LRRK1: variants seen among roughly 807,000 people sequenced by gnomAD.
LRRK1 encodes the protein leucine-rich repeat serine/threonine-protein kinase 1.
A neutral mutation model predicts 209.1 loss-of-function variants in LRRK1; 113 were observed. That is an observed-to-expected ratio of 0.54 (90% confidence interval 0.46 to 0.63). LRRK1 has a LOEUF of 0.63. LRRK1 is among the 30% of genes least tolerant of loss of function. The pLI is 0.00. For missense variants in LRRK1, 2,284 were observed against 2,632.2 expected (o/e 0.87, Z 2.89); for synonymous variants, 1,144 against 1,099.7 (o/e 1.04, Z -0.80).
At chr15:101,005,013 G>A (rs1248072659) in intron 6 of LRRK1, among the ~76,000 whole-genome samples, 3 of 152,182 alleles carry the variant, frequency 2.0e-5, no homozygotes, top group African/African-American at 7.2e-5. Flanking sequence ...TCTTGCATTT[G>A]GCTGCCATTT....
At chr15:100,933,059 C>T (rs191245670) in intron 2 of LRRK1, among the ~76,000 whole-genome samples, 1 of 152,302 alleles carries the variant, frequency 6.6e-6, no homozygotes, top group Non-Finnish European at 1.5e-5. Flanking sequence ...AATTGGAATG[C>T]ATCAGCAAGA....
chr15:100,983,456 G>C (rs11632621), intron 3 of LRRK1, 72 bp from the exon 4 acceptor site: 1,315,035 of 1,400,418 alleles, frequency 0.94, 617,676 homozygotes, highest in East Asian at 1. Context: ...CCTGGTGAAG[G>C]GTTTAACGTC....
intron 6 of LRRK1, among the ~76,000 whole-genome samples, chr15:100,995,468 A>G (rs1202063975): frequency 6.6e-6 from 1 of 152,184 alleles, no homozygotes; most frequent in Non-Finnish European, 1.5e-5. Flanking sequence ...CACACTCTCT[A>G]AGAAACAAAA....
chr15:100,930,571 G>T (rs1264180793), intron 2 of LRRK1, among the ~76,000 whole-genome samples: 3 of 152,198 alleles, frequency 2.0e-5, no homozygotes, highest in Non-Finnish European at 2.9e-5. Flanking sequence ...CCTTTATGTG[G>T]GGTGTGCAGG....
Position 101,014,407 on chromosome 15 carries a change from T to G in LRRK1, c.1511T>G (p.Leu504Arg), listed in dbSNP as rs1394823786. The G allele has an allele frequency of 6.2e-7, 1 of 1,613,762 alleles. No homozygotes were observed. ...WTCRQLKTLD[L>R]SRNQLGKNED... Reference sequence around the variant, plus strand: ...TGCAGGCAGCTCAAAACCCTGGATCTCTCCAGAAACCAACTTGGCAAGTAA... The same window carrying G: ...TGCAGGCAGCTCAAAACCCTGGATCGCTCCAGAAACCAACTTGGCAAGTAA... Residue 504 changes from leucine to arginine, a missense_variant, in exon 11 of 34, where the codon CTC becomes CGC. This residue lies in a region of LRRK1 where 494 missense variants were observed against 522.1 expected (regional missense o/e 0.95). Coordinates refer to ENST00000388948, the MANE Select transcript of LRRK1 (RefSeq NM_024652.6).
At chr15:101,030,314 G>A (rs1019291767) in intron 20 of LRRK1, among the ~76,000 whole-genome samples, 1 of 152,032 alleles carries the variant, frequency 6.6e-6, no homozygotes, top group African/African-American at 2.4e-5. Flanking sequence ...CCAGCCCGCA[G>A]TGTCCTCAGC....
At chr15:101,006,372 T>TAAAAA (rs56053663) in intron 6 of LRRK1, among the ~76,000 whole-genome samples, 14 of 114,300 alleles carry the variant, frequency 1.2e-4, no homozygotes, top group South Asian at 5.5e-4. Context: ...GACAATGTGA[T>TAAAAA]AAAAAAAAAA....
chr15:100,947,113 A>G (rs2042554754), intron 2 of LRRK1, among the ~76,000 whole-genome samples: 1 of 151,950 alleles, frequency 6.6e-6, no homozygotes, highest in Non-Finnish European at 1.5e-5. Context: ...CCGCACCACC[A>G]TAACTGGCTA....
chr15:101,026,845 G>A (rs779016463), intron 17 of LRRK1, among the ~76,000 whole-genome samples: 27 of 152,228 alleles, frequency 1.8e-4, no homozygotes, highest in Non-Finnish European at 2.9e-4. Context: ...GGACACATTG[G>A]CCTGGCTCGG....
At chr15:100,956,457 T>TTTTCTTTTCTTC (rs1307728532) in intron 2 of LRRK1, among the ~76,000 whole-genome samples, 1 of 115,232 alleles carries the variant, frequency 8.7e-6, no homozygotes, top group South Asian at 2.9e-4. Context: ...TTTTTTTTCT[T>TTTTCTTTTCTTC]TTTTTTTTTT....
At position 101,027,427 on chromosome 15, in the gene LRRK1, A is replaced by G. The variant is rs1246853503; in HGVS notation, c.2526+46A>G. 2 of 1,595,470 alleles carry G rather than the reference A, an allele frequency of 1.3e-6. No homozygotes were observed. The highest frequency in any genetic ancestry group is 2.7e-5 in the African/African-American group (2 of 74,410). On this transcript the variant is annotated intron_variant, in intron 18 of 33. Coordinates refer to ENST00000388948, the MANE Select transcript of LRRK1 (RefSeq NM_024652.6). This position sits in a 1 kb window ranked among gnomAD's most constrained non-coding sequence, Gnocchi z 5.1. ...GTTTAAACCAGTCTGCCTGCTTCCC[A>G]TTGTTGGGGGTCCTCACTTCCCCCT...
intron 2 of LRRK1, among the ~76,000 whole-genome samples, chr15:100,936,972 A>G (rs1322085389): frequency 1.3e-5 from 2 of 152,214 alleles, no homozygotes; most frequent in Admixed American, 6.5e-5. Context: ...AGTATGTCCT[A>G]TATTTTCCAA....
rs1191002406 is a variant in LRRK1, at chr15:101,070,241, A to C, written c.*1393A>C. 6.7e-6 allele frequency: 1 copy of C among 149,224 alleles called. No individual in the cohort carries two copies. Among genetic ancestry groups the C allele is most frequent in the East Asian group, 2.0e-4 (1 of 5,012 alleles). The allele number at this position is 149,224 out of a possible 1,614,324, so 9.2% of individuals were successfully genotyped here. On this transcript the variant is annotated 3_prime_UTR_variant, in exon 34 of 34. Transcript: ENST00000388948. ...TGTGCCAACATGCAGGTGGCCCCTG[A>C]GCAGCTTCCATGGGTGGAGACGCTG...
intron 7 of LRRK1, among the ~76,000 whole-genome samples, chr15:101,009,575 CTTTATTT>C (rs1035293106): frequency 6.6e-5 from 10 of 152,020 alleles, no homozygotes; most frequent in African/African-American, 2.4e-4. Context: ...TAGTTGATTT[CTTTATTT>C]TTTATTTTTA....
chr15:100,963,174 G>A (rs757718148), intron 2 of LRRK1, among the ~76,000 whole-genome samples: 69 of 151,818 alleles, frequency 4.5e-4, no homozygotes, highest in Non-Finnish European at 8.2e-4. Context: ...TTTTTCCTGT[G>A]GTTTGTCACG....
intron 12 of LRRK1, among the ~76,000 whole-genome samples, chr15:101,018,044 AATTGTGTTC>A (rs543624413): frequency 3.3e-4 from 50 of 152,310 alleles, no homozygotes; most frequent in African/African-American, 1.2e-3. Flanking sequence ...AACATTCAAA[AATTGTGTTC>A]AGTGGGAAGC....
chr15:101,048,737 C>T, intron 22 of LRRK1, 80 bp downstream of exon 22: 6 of 1,237,008 alleles, frequency 4.9e-6, no homozygotes, highest in South Asian at 3.5e-5. Context: ...CAGGATGCCT[C>T]ATCCTCTTGG....
chr15:101,056,771 T>G, intron 27 of LRRK1, 85 bp from the exon 28 acceptor site: 1 of 1,025,576 alleles, frequency 9.8e-7, no homozygotes, highest in South Asian at 1.7e-5. Context: ...TCTAATTGTG[T>G]CTCCCTGGTC....
chr15:100,953,181 A>G (rs1391978905), intron 2 of LRRK1, among the ~76,000 whole-genome samples: 1 of 152,168 alleles, frequency 6.6e-6, no homozygotes, highest in African/African-American at 2.4e-5. Context: ...CAAGTATACA[A>G]TTCAGTATTA....
Sources: allele counts gnomAD v4.1 joint callset (sites outside exome capture counted in the v4.1 genomes callset), GRCh38; gene constraint gnomAD v4.1.1; regional missense constraint gnomAD v4.1.1; non-coding constraint Gnocchi (gnomAD v3.1); transcripts MANE v1.5; gene names NCBI Gene and HGNC (gene_info 2026-07-23, HGNC 2026-07-21).